The following WDR7 variants were observed in gnomAD, a reference collection of about 807,000 sequenced individuals.
The protein encoded by WDR7 is WD repeat domain 7.
In WDR7, 46 loss-of-function variants were observed where a neutral mutation model predicts 169.4. The observed-to-expected ratio is 0.27, with a 90% CI of 0.21 to 0.35. The LOEUF (loss-of-function observed/expected upper bound fraction) is 0.35. Ranked by LOEUF, WDR7 falls within the 10% of genes least tolerant of loss-of-function variation. The pLI is 1.00. For missense variants in WDR7, 1,534 were observed against 1,859.3 expected (o/e 0.83, Z 3.22); for synonymous variants, 612 against 666.8 (o/e 0.92, Z 1.27).
At position 56,778,290 on chromosome 18, in the gene WDR7, T is replaced by C. The variant is rs117502149; in HGVS notation, c.2948-1141T>C. On this transcript the variant is annotated intron_variant, in intron 17 of 27. Transcript: ENST00000254442. ...ATTTAAAATTTTATGGTAAGGTTTT[T>C]GTCATTATTTTAAGAAGATTACAGT... Among the ~76,000 whole-genome samples the C allele has an allele frequency of 3.3e-5, 5 of 152,296 alleles. No individual in the cohort carries two copies. In the East Asian group the frequency reaches 5.8e-4, roughly 18 times the overall value.
At chr18:56,772,283 A>G (rs1302321300) in intron 16 of WDR7, among the ~76,000 whole-genome samples, 3 of 152,124 alleles carry the variant, frequency 2.0e-5, no homozygotes, top group Non-Finnish European at 4.4e-5. Flanking sequence ...AAAATAAAAC[A>G]TGGGGCCCAG....
intron 25 of WDR7, among the ~76,000 whole-genome samples, chr18:56,950,838 G>A (rs1387886636): frequency 6.6e-6 from 1 of 152,182 alleles, no homozygotes; most frequent in African/African-American, 2.4e-5. Context: ...GGCATTTGAT[G>A]TTAAATCACC....
chr18:56,851,293 G>A (rs2045637672), intron 20 of WDR7, among the ~76,000 whole-genome samples: 1 of 151,974 alleles, frequency 6.6e-6, no homozygotes, highest in Non-Finnish European at 1.5e-5. Flanking sequence ...TTCCATGCCT[G>A]TTCACATGCT....
intron 18 of WDR7, among the ~76,000 whole-genome samples, chr18:56,780,230 A>G (rs1473051799): frequency 6.6e-6 from 1 of 152,204 alleles, no homozygotes; most frequent in Non-Finnish European, 1.5e-5. Flanking sequence ...TACTTGGAAT[A>G]TAATATTACC....
chr18:56,949,156 T>TCTCTCTCCCCCTCTC (rs879455948), intron 25 of WDR7, among the ~76,000 whole-genome samples: 4 of 143,860 alleles, frequency 2.8e-5, no homozygotes, highest in African/African-American at 1.0e-4. Flanking sequence ...CTCTCTCTCT[T>TCTCTCTCCCCCTCTC]TCCCTTTGGC....
chr18:56,901,015 A>G (rs1328566325), intron 21 of WDR7, among the ~76,000 whole-genome samples: 1 of 152,226 alleles, frequency 6.6e-6, no homozygotes, highest in African/African-American at 2.4e-5. Context: ...CTGTTCTAGA[A>G]GGAATAATTT....
At chr18:56,756,548 T>G in intron 14 of WDR7, 35 bp from the exon 15 acceptor site, 4 of 1,480,102 alleles carry the variant, frequency 2.7e-6, no homozygotes, top group Non-Finnish European at 3.6e-6. Flanking sequence ...TAAGCACTTT[T>G]AATTATAACT....
At chr18:56,951,500 A>G (rs1185840288) in intron 25 of WDR7, among the ~76,000 whole-genome samples, 1 of 152,120 alleles carries the variant, frequency 6.6e-6, no homozygotes, top group Admixed American at 6.5e-5. Flanking sequence ...GTTATCTTAC[A>G]GTTTCTTCTC....
intron 13 of WDR7, among the ~76,000 whole-genome samples, chr18:56,720,334 A>G (rs1355535274): frequency 6.6e-6 from 1 of 151,382 alleles, no homozygotes; most frequent in Non-Finnish European, 1.5e-5. Context: ...CCTGTGTCCC[A>G]TCCACTCAGG....
chr18:56,818,623 A>T (rs548734339), intron 20 of WDR7, among the ~76,000 whole-genome samples: 7 of 152,318 alleles, frequency 4.6e-5, no homozygotes, highest in African/African-American at 1.7e-4. Context: ...TTACCTTTAA[A>T]TTGTGTGACT....
At chr18:56,791,988 T>A (rs2044493636) in intron 19 of WDR7, among the ~76,000 whole-genome samples, 1 of 148,648 alleles carries the variant, frequency 6.7e-6, no homozygotes. Flanking sequence ...GGGAGAAAAA[T>A]ACAATTTTTT....
chr18:57,009,775 T>C, intron 26 of WDR7: 1 of 865,202 alleles, frequency 1.2e-6, no homozygotes, highest in Non-Finnish European at 1.4e-6. Flanking sequence ...TTTTGAAACA[T>C]AATTTCAAAA....
chr18:56,771,882 CAAAG>C (rs1219464273), intron 16 of WDR7, among the ~76,000 whole-genome samples: 1 of 150,202 alleles, frequency 6.7e-6, no homozygotes, highest in Non-Finnish European at 1.5e-5. Context: ...AACTCCATCT[CAAAG>C]AAGAAGAAAA....
intron 19 of WDR7, among the ~76,000 whole-genome samples, chr18:56,800,008 G>A (rs1226050843): frequency 1.3e-5 from 2 of 152,114 alleles, no homozygotes; most frequent in African/African-American, 4.8e-5. Context: ...AGAGTAGGCT[G>A]CCTTGTTTAA....
At chr18:56,981,551 G>A (rs765622147) in intron 26 of WDR7, among the ~76,000 whole-genome samples, 4 of 152,206 alleles carry the variant, frequency 2.6e-5, no homozygotes, top group Admixed American at 6.5e-5. Flanking sequence ...AGATAAGATG[G>A]AGAGATGCAT....
At chr18:56,766,040 T>A (rs2044061335) in intron 16 of WDR7, among the ~76,000 whole-genome samples, 1 of 151,676 alleles carries the variant, frequency 6.6e-6, no homozygotes, top group Admixed American at 6.6e-5. Flanking sequence ...TTTTTTCTGG[T>A]ATAGAATTCC....
At chr18:56,892,426 T>A (rs894030950) in intron 21 of WDR7, among the ~76,000 whole-genome samples, 1 of 152,134 alleles carries the variant, frequency 6.6e-6, no homozygotes, top group Non-Finnish European at 1.5e-5. Context: ...TTTCCACACA[T>A]GTTCAGCTTC....
At chr18:56,865,568 G>T (rs369876707) in intron 20 of WDR7, among the ~76,000 whole-genome samples, 24 of 152,066 alleles carry the variant, frequency 1.6e-4, no homozygotes, top group Non-Finnish European at 2.8e-4. Flanking sequence ...TTACAGGAAG[G>T]TTTATGTAGA....
At chr18:56,894,345 A>G (rs1043655996) in intron 21 of WDR7, among the ~76,000 whole-genome samples, 6 of 152,120 alleles carry the variant, frequency 3.9e-5, no homozygotes, top group South Asian at 2.1e-4. Context: ...GAAAAGCACT[A>G]TGTGAACTCA....
Sources: gnomAD v4.1 joint callset for allele counts (sites outside exome capture counted in the v4.1 genomes callset) on GRCh38, gnomAD v4.1.1 for gene constraint, MANE v1.5 for transcripts, NCBI Gene and HGNC (gene_info 2026-07-23, HGNC 2026-07-21) for gene names.